DNAAF11: variants seen among roughly 807,000 people sequenced by gnomAD.
DNAAF11 encodes dynein axonemal assembly factor 11.
In DNAAF11, 45 loss-of-function variants were observed where a neutral mutation model predicts 60.8. That is an observed-to-expected ratio of 0.74 (90% confidence interval 0.58 to 0.95). The LOEUF (loss-of-function observed/expected upper bound fraction) is 0.95, where lower values mean the gene tolerates loss of function less well. DNAAF11 is among the 40% of genes least tolerant of loss of function. The pLI is 0.00. For missense variants in DNAAF11, 546 were observed against 546.2 expected, an observed-to-expected ratio of 1.00 and a Z score of 0.00; for synonymous variants, 191 against 183.5, an observed-to-expected ratio of 1.04 and a Z score of -0.33.
chr8:132,637,970 T>A lies in DNAAF11; in HGVS notation c.394A>T (p.Arg132Trp), dbSNP rs746824960. 1 of 1,614,038 alleles carries A rather than the reference T, an allele frequency of 6.2e-7. No individual in the cohort carries two copies. The highest frequency in any genetic ancestry group is 8.5e-7 in the Non-Finnish European group (1 of 1,179,944). ...GGAAGAGTTGCTACCACGAACTCCC[T>A]ATAGTGGTCAAAGGAAGCACATGGG... ...GNPCASFDHY[R>W]EFVVATLPQL... The change falls in exon 4 of 12, where the codon AGG (arginine) becomes TGG (tryptophan). Residue 132 changes from arginine (R) to tryptophan (W), a missense_variant. Physicochemically the swap from Arg to Trp is moderately radical, Grantham distance 101. Transcript: ENST00000620350.
the DNAAF11 span, among the ~76,000 whole-genome samples, chr8:132,699,184 A>G: frequency 6.6e-6 from 1 of 151,808 alleles, no homozygotes; most frequent in South Asian, 2.1e-4. Context: ...TTGTGTGACC[A>G]GGGGTGGCGT....
At chr8:132,622,503 G>T in intron 7 of DNAAF11, 108 bp downstream of exon 7, 2 of 748,270 alleles carry the variant, frequency 2.7e-6, no homozygotes, top group Non-Finnish European at 4.5e-6. Flanking sequence ...CTTGTTAAGA[G>T]CAGTCAGAAA....
intron 10 of DNAAF11, among the ~76,000 whole-genome samples, chr8:132,609,052 C>G (rs1472958784): frequency 2.0e-5 from 3 of 152,172 alleles, no homozygotes; most frequent in South Asian, 2.1e-4. Context: ...ACTGGTTTAT[C>G]TACTCTTCCC....
intron 10 of DNAAF11, among the ~76,000 whole-genome samples, chr8:132,600,981 T>C (rs551583218): frequency 1.1e-4 from 17 of 152,168 alleles, no homozygotes; most frequent in East Asian, 9.7e-4. Context: ...TCAGAGTGAA[T>C]AGGCAACCTA....
At chr8:132,623,625 T>C (rs915493041) in intron 6 of DNAAF11, among the ~76,000 whole-genome samples, 1 of 152,190 alleles carries the variant, frequency 6.6e-6, no homozygotes, top group Non-Finnish European at 1.5e-5. Context: ...AATATCTAGA[T>C]CAGATAAACA....
intron 1 of DNAAF11, among the ~76,000 whole-genome samples, chr8:132,666,953 A>G (rs1824695918): frequency 6.6e-6 from 1 of 152,204 alleles, no homozygotes. Flanking sequence ...TGGGGCAGAT[A>G]AAAGACAATT....
In DNAAF11 at chr8:132,583,546, C is replaced by A. The variant is rs902096767; in HGVS notation, c.1226+148G>T. ...AGGAGCCCTACAAAGCAAGAGTCTA[C>A]GGTTTGGGAAATAAACATTAACATT... On this transcript the variant is annotated intron_variant, in intron 11 of 11. Coordinates refer to ENST00000620350, the MANE Select transcript of DNAAF11 (RefSeq NM_012472.6). 1.7e-5 allele frequency: 11 copies of A among 635,720 alleles called. No homozygotes were observed. In the African/African-American group the frequency reaches 2.0e-4, roughly 12 times the overall value. 39.4% of individuals were successfully genotyped at this position (635,720 alleles called of 1,614,324 possible).
the DNAAF11 span, among the ~76,000 whole-genome samples, chr8:132,699,347 T>A: frequency 6.6e-6 from 1 of 152,054 alleles, no homozygotes; most frequent in Non-Finnish European, 1.5e-5. Flanking sequence ...CAGGTAGAGC[T>A]GAGCTTGGTG....
intron 1 of DNAAF11, among the ~76,000 whole-genome samples, chr8:132,662,094 CATTT>C (rs1824196867): frequency 6.6e-6 from 1 of 152,190 alleles, no homozygotes; most frequent in South Asian, 2.1e-4. Context: ...ACAGGTCATT[CATTT>C]AACCAATGTT....
At chr8:132,693,506 G>A in the DNAAF11 span, among the ~76,000 whole-genome samples, 3,683 of 151,714 alleles carry the variant, frequency 0.024, 161 homozygotes, top group African/African-American at 0.084. Flanking sequence ...TAGGTACTGG[G>A]CACTGTTCTT....
At chr8:132,601,280 C>T (rs1817588001) in intron 10 of DNAAF11, among the ~76,000 whole-genome samples, 1 of 152,096 alleles carries the variant, frequency 6.6e-6, no homozygotes, top group African/African-American at 2.4e-5. Context: ...ACAACAGGTG[C>T]TGGAGAGGAT....
chr8:132,677,331 G>A (rs939278841), upstream of DNAAF11, among the ~76,000 whole-genome samples: 3 of 152,132 alleles, frequency 2.0e-5, no homozygotes, highest in African/African-American at 7.2e-5. Flanking sequence ...AAAAGCATGA[G>A]GTCAGGCCTA....
chr8:132,615,002 A>C (rs1435931391), intron 8 of DNAAF11, 36 bp downstream of exon 8: 3 of 1,382,566 alleles, frequency 2.2e-6, no homozygotes, highest in Non-Finnish European at 3.0e-6. Flanking sequence ...AAACAGACAG[A>C]AATGTCATAA....
intron 10 of DNAAF11, among the ~76,000 whole-genome samples, chr8:132,593,928 AG>A (rs941200442): frequency 2.6e-5 from 4 of 152,172 alleles, no homozygotes; most frequent in African/African-American, 7.2e-5. Context: ...AAAAGCTAAA[AG>A]GGTAAAGCTT....
intron 11 of DNAAF11, among the ~76,000 whole-genome samples, chr8:132,573,115 C>CAGACAT (rs1039969702): frequency 4.0e-5 from 6 of 151,890 alleles, no homozygotes; most frequent in African/African-American, 9.7e-5. Flanking sequence ...GATATAGATA[C>CAGACAT]AGATATAGAT....
chr8:132,630,247 C>A (rs976041207), intron 5 of DNAAF11, among the ~76,000 whole-genome samples: 27 of 152,214 alleles, frequency 1.8e-4, no homozygotes, highest in African/African-American at 6.5e-4. Flanking sequence ...TAAATCTATA[C>A]AAATTAAAAC....
intron 8 of DNAAF11, among the ~76,000 whole-genome samples, chr8:132,613,784 T>C (rs999846682): frequency 2.0e-5 from 3 of 152,232 alleles, no homozygotes; most frequent in African/African-American, 7.2e-5. Context: ...AGACTCACTC[T>C]TGGAAAAGTT....
At chr8:132,675,801 A>G (rs1230044580), upstream of DNAAF11, among the ~76,000 whole-genome samples, 1 of 152,214 alleles carries the variant, frequency 6.6e-6, no homozygotes, top group Non-Finnish European at 1.5e-5. Context: ...TTTAGAGTGA[A>G]CAAAGTATGA....
intron 3 of DNAAF11, among the ~76,000 whole-genome samples, chr8:132,654,655 A>G (rs1204520345): frequency 6.6e-6 from 1 of 151,994 alleles, no homozygotes; most frequent in Non-Finnish European, 1.5e-5. Context: ...TGTGGAAATT[A>G]AACAACACTG....
Sources: allele counts gnomAD v4.1 joint callset (sites outside exome capture counted in the v4.1 genomes callset), GRCh38; gene constraint gnomAD v4.1.1; transcripts MANE v1.5; gene names NCBI Gene and HGNC (gene_info 2026-07-23, HGNC 2026-07-21).